The following DLG2 variants were observed in gnomAD, a reference collection of about 807,000 sequenced individuals.
DLG2 encodes the protein disks large homolog 2.
Under a neutral mutation model 132.5 loss-of-function variants are expected in DLG2, and 45 were observed. The observed-to-expected ratio is 0.34, with a 90% CI of 0.27 to 0.44. DLG2 has a LOEUF of 0.44. DLG2 is among the 20% of genes least tolerant of loss of function. The probability of loss-of-function intolerance (pLI) is 1.00; values close to 1 mark genes in which losing one functional copy is unlikely to be tolerated. For synonymous variants in DLG2, 424 were observed against 419.6 expected (o/e 1.01, Z -0.13); for missense variants, 1,045 against 1,196.9 (o/e 0.87, Z 1.87).
At chr11:84,850,127 G>A (rs2082002770) in intron 6 of DLG2, among the ~76,000 whole-genome samples, 1 of 152,002 alleles carries the variant, frequency 6.6e-6, no homozygotes, top group African/African-American at 2.4e-5. Context: ...TAGGATGGTT[G>A]GTCATTCTAT....
chr11:84,475,110 C>A (rs1453855938), intron 7 of DLG2, among the ~76,000 whole-genome samples: 2 of 152,144 alleles, frequency 1.3e-5, no homozygotes, highest in African/African-American at 2.4e-5. Flanking sequence ...ACATGTTGAG[C>A]TCCAACGAGT....
intron 7 of DLG2, among the ~76,000 whole-genome samples, chr11:84,322,964 C>T (rs1258120750): frequency 6.6e-6 from 1 of 151,886 alleles, no homozygotes; most frequent in East Asian, 1.9e-4. Flanking sequence ...AATTCCCTCG[C>T]AATCAAGTCA....
At chr11:84,441,418 G>A (rs1325347478) in intron 7 of DLG2, among the ~76,000 whole-genome samples, 7 of 152,186 alleles carry the variant, frequency 4.6e-5, no homozygotes, top group East Asian at 1.9e-4. Context: ...TTCTCCAAGC[G>A]ATTAGCTGAT....
chr11:85,334,626 C>G (rs1425255995), intron 3 of DLG2, among the ~76,000 whole-genome samples: 1 of 151,418 alleles, frequency 6.6e-6, no homozygotes, highest in Non-Finnish European at 1.5e-5. Flanking sequence ...TTTGGTATAT[C>G]TTTTTTTCAT....
intron 14 of DLG2, among the ~76,000 whole-genome samples, chr11:83,939,133 A>C (rs1284010770): frequency 6.6e-6 from 1 of 152,170 alleles, no homozygotes; most frequent in Non-Finnish European, 1.5e-5. Flanking sequence ...AAACATTCCT[A>C]ACTGAGTATT....
At chr11:85,557,905 A>G (rs1440242350) in intron 3 of DLG2, among the ~76,000 whole-genome samples, 1 of 151,830 alleles carries the variant, frequency 6.6e-6, no homozygotes, top group African/African-American at 2.4e-5. Flanking sequence ...TTGGGTAAGA[A>G]TTTATGACTA....
At chr11:83,551,794 C>T (rs1031821984) in intron 19 of DLG2, among the ~76,000 whole-genome samples, 1 of 152,022 alleles carries the variant, frequency 6.6e-6, no homozygotes, top group Admixed American at 6.6e-5. Flanking sequence ...AATCAAATTC[C>T]CACAGATGGA....
At chr11:84,727,393 T>A (rs2062611507) in intron 6 of DLG2, among the ~76,000 whole-genome samples, 1 of 152,130 alleles carries the variant, frequency 6.6e-6, no homozygotes, top group African/African-American at 2.4e-5. Flanking sequence ...TTGTCAAAGA[T>A]CTGATGGTTT....
chr11:84,714,627 C>CTTTCTCTTTCTCTTTCTCTT (rs1253592204), intron 6 of DLG2, among the ~76,000 whole-genome samples: 12 of 107,290 alleles, frequency 1.1e-4, no homozygotes, highest in African/African-American at 4.6e-4. Context: ...TTCTCTTTCT[C>CTTTCTCTTTCTCTTTCTCTT]TCTCTCTCTC....
intron 7 of DLG2, among the ~76,000 whole-genome samples, chr11:84,447,439 T>G (rs1388067613): frequency 1.3e-5 from 2 of 152,184 alleles, no homozygotes; most frequent in Non-Finnish European, 2.9e-5. Flanking sequence ...CTAAAAGCTC[T>G]TTATAATTCT....
At chr11:84,846,568 T>C (rs2081504280) in intron 6 of DLG2, among the ~76,000 whole-genome samples, 1 of 152,208 alleles carries the variant, frequency 6.6e-6, no homozygotes, top group Middle Eastern at 3.4e-3. Flanking sequence ...TCCAATCCAT[T>C]CTCTCCCTAG....
intron 12 of DLG2, among the ~76,000 whole-genome samples, chr11:83,973,735 T>C (rs2091756566): frequency 6.6e-6 from 1 of 152,046 alleles, no homozygotes; most frequent in African/African-American, 2.4e-5. Context: ...GCATGATCCC[T>C]ACCCCAGAAA....
At chr11:84,826,605 G>GC (rs1414103452) in intron 6 of DLG2, among the ~76,000 whole-genome samples, 1 of 151,776 alleles carries the variant, frequency 6.6e-6, no homozygotes, top group East Asian at 1.9e-4. Flanking sequence ...GAACATTTAT[G>GC]CCCAAGCTAC....
intron 6 of DLG2, among the ~76,000 whole-genome samples, chr11:84,719,343 C>T (rs1011907916): frequency 1.3e-5 from 2 of 152,122 alleles, no homozygotes; most frequent in South Asian, 4.1e-4. Flanking sequence ...ATGAAGAAAG[C>T]TCTCTCTCTT....
At chr11:83,513,350 CCTT>C (rs2095139415) in intron 21 of DLG2, among the ~76,000 whole-genome samples, 1 of 152,138 alleles carries the variant, frequency 6.6e-6, no homozygotes, top group African/African-American at 2.4e-5. Flanking sequence ...CTGTTCATAT[CCTT>C]CACCTACTTG....
At chr11:84,717,273 C>T (rs184863004) in intron 6 of DLG2, among the ~76,000 whole-genome samples, 8 of 152,022 alleles carry the variant, frequency 5.3e-5, no homozygotes, top group Admixed American at 5.2e-4. Flanking sequence ...GAAATGACTG[C>T]AGGTTTCTGA....
intron 6 of DLG2, among the ~76,000 whole-genome samples, chr11:84,787,044 C>T (rs2073022784): frequency 6.6e-6 from 1 of 152,150 alleles, no homozygotes; most frequent in Non-Finnish European, 1.5e-5. Context: ...GAGATGTTCA[C>T]TAATGAGACT....
chr11:84,525,254 A>G (rs536650638), intron 7 of DLG2, among the ~76,000 whole-genome samples: 2 of 152,242 alleles, frequency 1.3e-5, no homozygotes, highest in East Asian at 3.9e-4. Flanking sequence ...AAACACTTCT[A>G]CCTGGGTATA....
chr11:85,570,051 C>T (rs968552866), intron 3 of DLG2, among the ~76,000 whole-genome samples: 11 of 152,138 alleles, frequency 7.2e-5, no homozygotes, highest in African/African-American at 2.2e-4. Flanking sequence ...GTAGTTACTA[C>T]GCTCACTACC....
Sources: gnomAD v4.1 joint callset for allele counts (sites outside exome capture counted in the v4.1 genomes callset) on GRCh38, gnomAD v4.1.1 for gene constraint, MANE v1.5 for transcripts, NCBI Gene and HGNC (gene_info 2026-07-23, HGNC 2026-07-21) for gene names.